LMTK2: variants seen among roughly 807,000 people sequenced by gnomAD.
LMTK2 encodes the protein lemur tail kinase 2.
A neutral mutation model predicts 127.5 loss-of-function variants in LMTK2; 37 were observed. The ratio of observed to expected loss-of-function variants is 0.29; its 90% CI spans 0.22 to 0.38. The LOEUF is 0.38. Ranked by LOEUF, LMTK2 falls within the 10% of genes least tolerant of loss-of-function variation. The pLI is 1.00. For missense variants in LMTK2, 1,694 were observed against 1,920.3 expected, an observed-to-expected ratio of 0.88 and a Z score of 2.20; for synonymous variants, 819 against 810.1, an observed-to-expected ratio of 1.01 and a Z score of -0.19.
At chr7:98,119,677 G>A (rs1796335668) in intron 1 of LMTK2, among the ~76,000 whole-genome samples, 1 of 152,142 alleles carries the variant, frequency 6.6e-6, no homozygotes, top group African/African-American at 2.4e-5. Context: ...GGACCACCAG[G>A]CCTCAGCTCA....
Position 98,190,715 on chromosome 7 carries a change from C to A in LMTK2, c.999-13C>A. On this transcript the variant is annotated splice_polypyrimidine_tract_variant and intron_variant, in intron 9 of 13. Transcript: ENST00000297293. The stretch of plus-strand genomic sequence containing the variant: ...AAAGGGAGAGAGAAACAGCCATTTT[C>A]TTTTTCCAACAGGTCTCTGGGTGTG... 6.2e-7 allele frequency: 1 copy of A among 1,613,420 alleles called. No homozygotes were observed. Among genetic ancestry groups the A allele is most frequent in the Non-Finnish European group, 8.5e-7 (1 of 1,179,640 alleles).
In LMTK2 at chr7:98,193,891, C is replaced by G. The variant is rs563308768; in HGVS notation, c.3426C>G (p.Pro1142=). 5 of 1,613,996 alleles carry G rather than the reference C, an allele frequency of 3.1e-6. No homozygotes were observed. The highest frequency in any genetic ancestry group is 4.2e-6 in the Non-Finnish European group (5 of 1,180,040). ...QEQPLPEPVL[P]EQSPAAQDSC... ...AGCCCCTACCCGAGCCAGTCCTCCC[C>G]GAGCAAAGTCCTGCTGCCCAGGATA... Residue 1142 remains proline, a synonymous_variant, in exon 11 of 14, where the codon CCC becomes CCG. Coordinates refer to ENST00000297293, the MANE Select transcript of LMTK2 (RefSeq NM_014916.4). The surrounding 1 kb of genome is among the most constrained non-coding windows in gnomAD (Gnocchi z 4.1).
rs1287916199 is a variant in LMTK2, at chr7:98,193,811, A to G, written c.3346A>G (p.Arg1116Gly). 6.2e-7 allele frequency: 1 copy of G among 1,613,932 alleles called. No individual in the cohort carries two copies. The highest frequency in any genetic ancestry group is 1.1e-5 in the South Asian group (1 of 91,060). Residue 1116 changes from arginine (R) to glycine (G), a missense_variant, in exon 11 of 14, where the codon AGG (arginine) becomes GGG (glycine). Around this residue, in one of 8 missense-constraint regions of LMTK2, gnomAD observed 554 missense variants for 567.7 expected, o/e 0.98. Coordinates refer to ENST00000297293, the MANE Select transcript of LMTK2 (RefSeq NM_014916.4). This position sits in a 1 kb window ranked among gnomAD's most constrained non-coding sequence, Gnocchi z 4.1. ...FSDNDSEPEK[R>G]SEEVPGTSPS... The stretch of plus-strand genomic sequence containing the variant: ...AGACAATGACTCTGAGCCCGAGAAA[A>G]GGTCTGAGGAGGTCCCGGGAACCTC...
intron 4 of LMTK2, 87 bp downstream of exon 4, chr7:98,151,542 T>A (rs1249292541): frequency 8.1e-6 from 9 of 1,113,768 alleles, no homozygotes; most frequent in Non-Finnish European, 1.2e-5. Flanking sequence ...TGTGTGGAGT[T>A]CCACGTGCCC....
chr7:98,108,580 C>T (rs1367891239), intron 1 of LMTK2, among the ~76,000 whole-genome samples: 3 of 152,012 alleles, frequency 2.0e-5, no homozygotes, highest in Admixed American at 6.6e-5. Context: ...TTTTCTGATC[C>T]GATAGATAAG....
intron 7 of LMTK2, among the ~76,000 whole-genome samples, chr7:98,173,246 C>T (rs1251074667): frequency 6.6e-6 from 1 of 151,884 alleles, no homozygotes; most frequent in Non-Finnish European, 1.5e-5. Flanking sequence ...TATTAACCTT[C>T]TTCTTACACA....
intron 1 of LMTK2, among the ~76,000 whole-genome samples, chr7:98,108,956 G>A (rs1415047633): frequency 1.4e-5 from 2 of 143,216 alleles, no homozygotes; most frequent in Non-Finnish European, 3.0e-5. Flanking sequence ...CCCCCCTTCC[G>A]AGTTCAAGCA....
At chr7:98,140,955 G>A (rs950959348) in intron 2 of LMTK2, among the ~76,000 whole-genome samples, 4 of 151,668 alleles carry the variant, frequency 2.6e-5, no homozygotes, top group Non-Finnish European at 5.9e-5. Flanking sequence ...TACTCGGGAG[G>A]CTGAGGTAGG....
chr7:98,152,487 C>T (rs10270222), intron 4 of LMTK2, among the ~76,000 whole-genome samples: 62,802 of 152,062 alleles, frequency 0.41, 13,446 homozygotes, highest in South Asian at 0.53. Context: ...TACGTAGCAG[C>T]CATTGTTCTT....
intron 1 of LMTK2, among the ~76,000 whole-genome samples, chr7:98,112,926 A>C (rs745989892): frequency 7.2e-5 from 11 of 152,184 alleles, no homozygotes; most frequent in Non-Finnish European, 1.6e-4. Flanking sequence ...GCACAATCAC[A>C]GCTCACTGTA....
chr7:98,177,674 C>T (rs1217394389), intron 7 of LMTK2, among the ~76,000 whole-genome samples: 2 of 152,084 alleles, frequency 1.3e-5, no homozygotes, highest in Non-Finnish European at 2.9e-5. Flanking sequence ...GGACCCTATT[C>T]CAGCCAGAGG....
chr7:98,178,350 G>A (rs141461406), intron 7 of LMTK2, among the ~76,000 whole-genome samples: 115 of 152,322 alleles, frequency 7.5e-4, no homozygotes, highest in African/African-American at 2.1e-3. Context: ...TAGTCCTAGC[G>A]TGAGTGAGCA....
intron 11 of LMTK2, among the ~76,000 whole-genome samples, chr7:98,202,643 G>T (rs748746920): frequency 6.6e-5 from 10 of 152,296 alleles, no homozygotes; most frequent in Non-Finnish European, 1.5e-4. Flanking sequence ...TCAGCTCCCA[G>T]TTCCCCTTTC....
At chr7:98,138,913 C>T (rs1330019867) in intron 2 of LMTK2, among the ~76,000 whole-genome samples, 1 of 152,140 alleles carries the variant, frequency 6.6e-6, no homozygotes, top group Non-Finnish European at 1.5e-5. Flanking sequence ...GAGGACTCTC[C>T]AGCTCTAGAG....
At chr7:98,190,639 C>G in intron 9 of LMTK2, 89 bp from the exon 10 acceptor site, 3 of 1,208,154 alleles carry the variant, frequency 2.5e-6, no homozygotes, top group Non-Finnish European at 3.7e-6. Flanking sequence ...ACACCTTGTC[C>G]TTAAAATTAC....
At position 98,193,953 on chromosome 7, in the gene LMTK2, G is replaced by A. The variant is rs1378023525; in HGVS notation, c.3488G>A (p.Ser1163Asn). The A allele has an allele frequency of 6.2e-7, 1 of 1,614,146 alleles. No individual in the cohort carries two copies. The stretch of plus-strand genomic sequence containing the variant: ...GCCAGAAAGAGCCAGCCAGATGAAA[G>A]TTGTCTGTCTGCTTTGCACAACTCC... ...LEARKSQPDE[S>N]CLSALHNSSD... Residue 1163 changes from serine to asparagine, a missense_variant, in exon 11 of 14, where the codon AGT becomes AAT. This residue lies in a region of LMTK2 where 554 missense variants were observed against 567.7 expected (regional missense o/e 0.98). Transcript: ENST00000297293. The surrounding 1 kb of genome is among the most constrained non-coding windows in gnomAD (Gnocchi z 4.1).
intron 1 of LMTK2, among the ~76,000 whole-genome samples, chr7:98,124,833 C>T (rs1297499423): frequency 6.6e-6 from 1 of 152,048 alleles, no homozygotes; most frequent in Non-Finnish European, 1.5e-5. Context: ...ATACTACCTA[C>T]CTCAAAGAGT....
At chr7:98,135,550 G>T (rs1484091006) in intron 1 of LMTK2, among the ~76,000 whole-genome samples, 1 of 151,932 alleles carries the variant, frequency 6.6e-6, no homozygotes, top group Non-Finnish European at 1.5e-5. Context: ...TCAAACTCCT[G>T]GGCTCAAGCG....
chr7:98,174,901 A>G (rs1395786955), intron 7 of LMTK2, among the ~76,000 whole-genome samples: 2 of 152,164 alleles, frequency 1.3e-5, no homozygotes, highest in Non-Finnish European at 2.9e-5. Context: ...GTTGCTCACT[A>G]CCGCCCCAGC....
Sources: gnomAD v4.1 joint callset for allele counts (sites outside exome capture counted in the v4.1 genomes callset) on GRCh38, gnomAD v4.1.1 for gene constraint, gnomAD v4.1.1 regional missense constraint, Gnocchi (gnomAD v3.1) non-coding constraint, MANE v1.5 for transcripts, NCBI Gene and HGNC (gene_info 2026-07-23, HGNC 2026-07-21) for gene names.